DDX59: variants seen among roughly 807,000 people sequenced by gnomAD.
DDX59 encodes probable ATP-dependent RNA helicase DDX59.
DDX59 carries 30 observed loss-of-function variants against 51.9 expected under a neutral mutation model. The ratio of observed to expected loss-of-function variants is 0.58; its 90% CI spans 0.43 to 0.78. The LOEUF (loss-of-function observed/expected upper bound fraction) is 0.78, where lower values mean the gene tolerates loss of function less well. Ranked by LOEUF, DDX59 falls within the 30% of genes least tolerant of loss-of-function variation. The probability of loss-of-function intolerance (pLI) is 0.00; values close to 1 mark genes in which losing one functional copy is unlikely to be tolerated. For missense variants in DDX59, 672 were observed against 730.8 expected (o/e 0.92, Z 0.93); for synonymous variants, 255 against 253.3 (o/e 1.01, Z -0.06).
chr1:200,666,246 G>C lies in DDX59; in HGVS notation c.495C>G (p.Ser165=), dbSNP rs1216753751. 1.2e-6 allele frequency: 2 copies of C among 1,614,222 alleles called. No individual in the cohort carries two copies. Among genetic ancestry groups the C allele is most frequent in the Admixed American group, 1.7e-5 (1 of 60,022 alleles). The change falls in exon 2 of 8, where the codon TCC becomes TCG. Residue 165 remains serine, a synonymous_variant. Transcript: ENST00000331314. ...TAAAGGGGTGCTCTTTGTAGACATA[G>C]GAAGCATTCAGTGGAGACTCTGGCT... The part of the protein sequence containing the change: ...DSEPESPLNA[S]YVYKEHPFIL...
chr1:200,650,090 C>T (rs554801475), intron 5 of DDX59, among the ~76,000 whole-genome samples: 4 of 152,126 alleles, frequency 2.6e-5, no homozygotes, highest in East Asian at 1.9e-4. Flanking sequence ...GTGATCTGCC[C>T]GCCTCGGCCT....
rs777365196 is a variant in DDX59, at chr1:200,666,517, A to C, written c.224T>G (p.Val75Gly). 6.8e-6 allele frequency: 11 copies of C among 1,614,018 alleles called. No homozygotes were observed. The highest frequency in any genetic ancestry group is 1.1e-5 in the South Asian group (1 of 91,082). Residue 75 changes from valine (V) to glycine (G), a missense_variant, in exon 2 of 8, where the codon GTA (valine) becomes GGA (glycine). Val to Gly is a moderately radical substitution (Grantham distance 109). Transcript: ENST00000331314. ...GTCCTTCGCACCCTGCTCGGGACTT[A>C]CTGAATGAACCTCTGCCAACTGGCC... ...PGGQLAEVHSVSPEQGAKDSH... is the reference protein window; with the variant it reads ...PGGQLAEVHSGSPEQGAKDSH...
In DDX59 at chr1:200,666,734, C is replaced by T; in HGVS notation, c.7G>A (p.Val3Ile). Residue 3 changes from valine to isoleucine, a missense_variant, in exon 2 of 8, where the codon GTT becomes ATT. Val to Ile is a conservative substitution (Grantham distance 29, BLOSUM62 3). Coordinates refer to ENST00000331314, the MANE Select transcript of DDX59 (RefSeq NM_001031725.6). Reference protein sequence around the residue: MFVPRSLKIKRNA... With the variant: MFIPRSLKIKRNA... ...CTCTTGATTTTTAGAGATCTTGGAA[C>T]AAACATCCTTCAATATTCTGTTAAG... is the stretch of plus-strand genomic sequence containing the variant. The T allele has an allele frequency of 6.2e-7, 1 of 1,609,236 alleles. No individual in the cohort carries two copies. The highest frequency in any genetic ancestry group is 8.5e-7 in the Non-Finnish European group (1 of 1,176,844).
chr1:200,646,645 C>T (rs907785030), intron 7 of DDX59, among the ~76,000 whole-genome samples: 3 of 152,058 alleles, frequency 2.0e-5, no homozygotes, highest in Non-Finnish European at 4.4e-5. Flanking sequence ...CTTAATAAGC[C>T]GCAGGCGAGA....
At chr1:200,669,360 G>T (rs144601810) in intron 1 of DDX59, 1 of 152,136 alleles carries the variant, frequency 6.6e-6, no homozygotes, top group Non-Finnish European at 1.5e-5. Flanking sequence ...GGGGTGGCGG[G>T]CGGGGCAGGG....
chr1:200,665,127 G>C (rs1405632061), intron 2 of DDX59, among the ~76,000 whole-genome samples: 2 of 152,216 alleles, frequency 1.3e-5, no homozygotes, highest in Non-Finnish European at 2.9e-5. Context: ...GTATGGTAGT[G>C]ATTATTTTAA....
In DDX59 at chr1:200,659,094, C is replaced by A; in HGVS notation, c.995G>T (p.Arg332Leu). ...GCTCTGCTTTATTATATCCAGAAGTCGCCCAGGGGTTGCTATGATAACCTA... is the reference window on the plus strand; with the variant it reads ...GCTCTGCTTTATTATATCCAGAAGTAGCCCAGGGGTTGCTATGATAACCTA... The part of the protein sequence containing the change: ...HVKVIIATPG[R>L]LLDIIKQSSV... Residue 332 changes from arginine (R) to leucine (L), a missense_variant, in exon 4 of 8, where the codon CGA becomes CTA. Coordinates refer to ENST00000331314, the MANE Select transcript of DDX59 (RefSeq NM_001031725.6). 2 of 1,613,494 alleles carry A rather than the reference C, an allele frequency of 1.2e-6. No homozygotes were observed. The highest frequency in any genetic ancestry group is 2.2e-5 in the South Asian group (2 of 90,936).
chr1:200,669,350 G>A (rs569515726), intron 1 of DDX59, among the ~76,000 whole-genome samples: 18 of 152,160 alleles, frequency 1.2e-4, no homozygotes, highest in African/African-American at 3.9e-4. Context: ...AAATGTACAG[G>A]GGGTGGCGGG....
chr1:200,642,743 T>C (rs2102822197), downstream of DDX59, among the ~76,000 whole-genome samples: 1 of 152,332 alleles, frequency 6.6e-6, no homozygotes, highest in Non-Finnish European at 1.5e-5. Context: ...GTATTTGACA[T>C]ATGCAACTGC....
rs78882239 is a variant in DDX59 at position 200,650,486 on chromosome 1, C to T, written c.1253G>A (p.Arg418His). The change falls in exon 5 of 8, where the codon CGT becomes CAT. Residue 418 changes from arginine (R) to histidine (H), a missense_variant. By Grantham distance (29) the Arg-to-His change is conservative (BLOSUM62 0). Coordinates refer to ENST00000331314, the MANE Select transcript of DDX59 (RefSeq NM_001031725.6). ...GTCTTCTACCCACAAAATAATCTGACGTACATTGGCACAAGGTAGGTTCTT... is the reference window on the plus strand; with the variant it reads ...GTCTTCTACCCACAAAATAATCTGATGTACATTGGCACAAGGTAGGTTCTT... ...GEKNLPCANVRQIILWVEDPA... is the reference protein window; with the variant it reads ...GEKNLPCANVHQIILWVEDPA... 1.7e-3 allele frequency: 2,699 copies of T among 1,613,922 alleles called. 4 individuals carry two copies. The highest frequency in any genetic ancestry group is 2.1e-3 in the South Asian group (189 of 91,074).
chr1:200,641,076 C>G (rs898738830), downstream of DDX59: 4 of 890,500 alleles, frequency 4.5e-6, no homozygotes, highest in Admixed American at 9.4e-5. Flanking sequence ...CCTATCTGTC[C>G]GGAGTCAGTT....
At chr1:200,643,934 C>G (rs1661129376), downstream of DDX59, 1 of 208,038 alleles carries the variant, frequency 4.8e-6, no homozygotes, top group Non-Finnish European at 8.4e-6. Context: ...GTGGGGGAAC[C>G]AAGTAAAACA....
At chr1:200,655,065 A>G (rs986915637) in intron 4 of DDX59, 3 of 152,122 alleles carry the variant, frequency 2.0e-5, no homozygotes, top group African/African-American at 7.2e-5. Context: ...CAACCTCCTG[A>G]GCCAGAAAAG....
intron 4 of DDX59, 29 bp downstream of exon 4, chr1:200,658,998 G>A (rs563434022): frequency 6.6e-6 from 10 of 1,525,582 alleles, no homozygotes; most frequent in Non-Finnish European, 9.0e-6. Flanking sequence ...GTAAAATCAT[G>A]TAACTGTTTT....
chr1:200,645,836 G>A (rs1465768785), intron 7 of DDX59, among the ~76,000 whole-genome samples: 1 of 152,054 alleles, frequency 6.6e-6, no homozygotes. Context: ...AGTTAAGAAG[G>A]GAAGCCTCTA....
At chr1:200,647,676 A>G (rs1661374358) in intron 7 of DDX59, among the ~76,000 whole-genome samples, 2 of 151,722 alleles carry the variant, frequency 1.3e-5, no homozygotes, top group African/African-American at 4.8e-5. Flanking sequence ...ATATACATAT[A>G]TATCTTAAAA....
chr1:200,650,657 A>G lies in DDX59; in HGVS notation c.1082T>C (p.Met361Thr). 2 of 1,611,904 alleles carry G rather than the reference A, an allele frequency of 1.2e-6. No homozygotes were observed. Among genetic ancestry groups the G allele is most frequent in the Non-Finnish European group, 1.7e-6 (2 of 1,178,356 alleles). Residue 361 changes from methionine to threonine, a missense_variant, in exon 5 of 8, where the codon ATG (methionine) becomes ACG (threonine). By Grantham distance (81) the Met-to-Thr change is moderately conservative. Coordinates refer to ENST00000331314, the MANE Select transcript of DDX59 (RefSeq NM_001031725.6). ...VVDEADTMLKMGFQQQVLDIL... is the reference protein window; with the variant it reads ...VVDEADTMLKTGFQQQVLDIL... Reference sequence around the variant, plus strand: ...GTCAAGCACTTGTTGTTGAAAACCCATCTTTAACATGGTATCAGCCTAAAA... The same window carrying G: ...GTCAAGCACTTGTTGTTGAAAACCCGTCTTTAACATGGTATCAGCCTAAAA...
intron 4 of DDX59, among the ~76,000 whole-genome samples, chr1:200,652,429 A>G (rs1661726287): frequency 1.3e-5 from 2 of 152,096 alleles, no homozygotes; most frequent in South Asian, 4.1e-4. Context: ...GTTGGAGTGC[A>G]GTGGTGCCAC....
At position 200,666,434 on chromosome 1, in the gene DDX59, G is replaced by A; in HGVS notation, c.307C>T (p.Pro103Ser). Residue 103 changes from proline (P) to serine (S), a missense_variant, in exon 2 of 8, where the codon CCA becomes TCA. By Grantham distance (74) the Pro-to-Ser change is moderately conservative. Coordinates refer to ENST00000331314, the MANE Select transcript of DDX59 (RefSeq NM_001031725.6). The stretch of plus-strand genomic sequence containing the variant: ...CAGACAACACAGATGGGTTCCCCTG[G>A]TTCTGCCCAGCGCTGTGTTTTGGAA... ...SFSKTQRWAE[P>S]GEPICVVCGR... The A allele has an allele frequency of 6.2e-7, 1 of 1,614,178 alleles. No individual in the cohort carries two copies. Among genetic ancestry groups the A allele is most frequent in the South Asian group, 1.1e-5 (1 of 91,084 alleles).
Sources: gnomAD v4.1 joint callset for allele counts (sites outside exome capture counted in the v4.1 genomes callset) on GRCh38, gnomAD v4.1.1 for gene constraint, MANE v1.5 for transcripts, NCBI Gene and HGNC (gene_info 2026-07-23, HGNC 2026-07-21) for gene names.